KDM2B: variants seen among roughly 807,000 people sequenced by gnomAD.
The protein encoded by KDM2B is lysine demethylase 2B, also known as lysine-specific demethylase 2B.
In KDM2B, 26 loss-of-function variants were observed where a neutral mutation model predicts 150.0. The ratio of observed to expected loss-of-function variants is 0.17; its 90% CI spans 0.13 to 0.24. The LOEUF (loss-of-function observed/expected upper bound fraction) is 0.24. KDM2B is among the 10% of genes least tolerant of loss of function. KDM2B has a pLI of 1.00. For missense variants in KDM2B, 1,265 were observed against 1,816.9 expected, an observed-to-expected ratio of 0.70 and a Z score of 5.52; for synonymous variants, 734 against 729.5, an observed-to-expected ratio of 1.01 and a Z score of -0.10.
intron 12 of KDM2B, among the ~76,000 whole-genome samples, chr12:121,456,407 C>T (rs565352523): frequency 9.2e-5 from 14 of 152,318 alleles, no homozygotes; most frequent in African/African-American, 3.1e-4. Flanking sequence ...CCCCTCCAAA[C>T]GACAGGTGCC....
chr12:121,499,706 G>A (rs1884333146), intron 11 of KDM2B, among the ~76,000 whole-genome samples: 1 of 151,822 alleles, frequency 6.6e-6, no homozygotes, highest in South Asian at 2.1e-4. Context: ...CCAGCACTTT[G>A]AGAGGCCAAG....
the KDM2B span, chr12:121,423,391 G>A: frequency 9.4e-6 from 15 of 1,603,198 alleles, no homozygotes; most frequent in East Asian, 4.5e-5. This position sits in a 1 kb window ranked among gnomAD's most constrained non-coding sequence, Gnocchi z 4.3. Flanking sequence ...TTCAGATGGC[G>A]AGCGGCTGCA....
At chr12:121,579,959 A>AAAAG in intron 1 of KDM2B, 1 of 1,476,684 alleles carries the variant, frequency 6.8e-7, no homozygotes, top group South Asian at 1.3e-5. Flanking sequence ...AAAAAAAAAA[A>AAAAG]AGATCTATCA....
chr12:121,546,147 C>G (rs570575398), intron 6 of KDM2B, among the ~76,000 whole-genome samples: 9 of 152,242 alleles, frequency 5.9e-5, no homozygotes, highest in African/African-American at 2.2e-4. Flanking sequence ...TCCAGGAGAG[C>G]AGGAACCTCT....
rs1888262251 is a variant in KDM2B at position 121,537,783 on chromosome 12, C to G, written c.684-3193G>C. Reference sequence around the variant, plus strand: ...CAAGAGCGCGCCGCACACTCGCACCCGACCCCGGGAGACACAAAGAGCGGC... The same window carrying G: ...CAAGAGCGCGCCGCACACTCGCACCGGACCCCGGGAGACACAAAGAGCGGC... On this transcript the variant is annotated intron_variant, in intron 6 of 22. Transcript: ENST00000377071. The surrounding 1 kb of genome is among the most constrained non-coding windows in gnomAD (Gnocchi z 8.7). Among the ~76,000 whole-genome samples, 1 of 152,000 alleles carries G rather than the reference C, an allele frequency of 6.6e-6. No individual in the cohort carries two copies. The highest frequency in any genetic ancestry group is 1.5e-5 in the Non-Finnish European group (1 of 67,936).
rs1555288018 is a variant in KDM2B at position 121,440,895 on chromosome 12, G to A, written c.3531C>T (p.Thr1177=). The A allele has an allele frequency of 6.2e-7, 1 of 1,614,006 alleles. No homozygotes were observed. The highest frequency in any genetic ancestry group is 1.3e-5 in the African/African-American group (1 of 75,028). The part of the protein sequence containing the change: ...LCSSSCPLLR[T]LDVQWVEGLK... The stretch of plus-strand genomic sequence containing the variant: ...GTCCCTCCACCCACTGGACATCCAG[G>A]GTCCGGAGCAGCGGACAACTGGAGC... The change falls in exon 21 of 23, where the codon ACC becomes ACT. Residue 1177 remains threonine, a synonymous_variant. Transcript: ENST00000377071.
chr12:121,454,532 A>T (rs1413646945), intron 12 of KDM2B, among the ~76,000 whole-genome samples: 2 of 152,138 alleles, frequency 1.3e-5, no homozygotes, highest in African/African-American at 4.8e-5. Flanking sequence ...TGCTGAGGAC[A>T]CTGTCCACAG....
chr12:121,578,142 A>G (rs918432682), intron 2 of KDM2B, among the ~76,000 whole-genome samples: 11 of 152,194 alleles, frequency 7.2e-5, no homozygotes, highest in Non-Finnish European at 1.3e-4. Context: ...CCTGACCCCA[A>G]TTCTTGGCTT....
chr12:121,409,272 A>T, the KDM2B span, among the ~76,000 whole-genome samples: 1 of 152,088 alleles, frequency 6.6e-6, no homozygotes, highest in South Asian at 2.1e-4. Context: ...GGACCACAAC[A>T]CTTGGCCAAA....
Position 121,520,823 on chromosome 12 carries a change from C to A in KDM2B, c.1047+162G>T, listed in dbSNP as rs1555305735. Among the ~76,000 whole-genome samples the A allele has an allele frequency of 6.6e-6, 1 of 151,960 alleles. No homozygotes were observed. The highest frequency in any genetic ancestry group is 2.1e-4 in the South Asian group (1 of 4,826). On this transcript the variant is annotated intron_variant, in intron 9 of 22. Coordinates refer to ENST00000377071, the MANE Select transcript of KDM2B (RefSeq NM_032590.5). This position sits in a 1 kb window ranked among gnomAD's most constrained non-coding sequence, Gnocchi z 4.5. Reference sequence around the variant, plus strand: ...GGCTCCTACAGGCATTCCCCTGCCCCCCCTCCCCCGCCACAGAACCAGGAC... The same window carrying A: ...GGCTCCTACAGGCATTCCCCTGCCCACCCTCCCCCGCCACAGAACCAGGAC...
intron 22 of KDM2B, among the ~76,000 whole-genome samples, chr12:121,436,328 TG>T (rs1323297910): frequency 6.6e-6 from 1 of 152,096 alleles, no homozygotes; most frequent in Non-Finnish European, 1.5e-5. Context: ...GAAACCATCC[TG>T]GCTAACACGG....
intron 22 of KDM2B, among the ~76,000 whole-genome samples, chr12:121,434,149 C>G (rs1308179846): frequency 6.6e-6 from 1 of 151,574 alleles, no homozygotes; most frequent in East Asian, 1.9e-4. Context: ...CACTGCACTC[C>G]AGCCTGGATG....
At chr12:121,579,989 GAAA>G (rs35855511) in intron 1 of KDM2B, 8,685 of 1,186,948 alleles carry the variant, frequency 7.3e-3, no homozygotes, top group South Asian at 0.017. Flanking sequence ...TACAGATTTG[GAAA>G]AAAAAAAAAA....
chr12:121,460,765 TTTTG>T (rs1555293633), intron 12 of KDM2B, among the ~76,000 whole-genome samples: 1 of 152,076 alleles, frequency 6.6e-6, no homozygotes, highest in East Asian at 1.9e-4. Flanking sequence ...CAACAATCTT[TTTTG>T]TTTTTCTGGT....
chr12:121,505,638 T>C (rs1205080205), intron 11 of KDM2B, among the ~76,000 whole-genome samples: 2 of 152,168 alleles, frequency 1.3e-5, no homozygotes, highest in South Asian at 2.1e-4. Context: ...AATTGGGGGC[T>C]GTCTCCAATC....
rs1015269791 is a variant in KDM2B, at chr12:121,429,281, A to C, written c.*1007T>G. 4 of 152,698 alleles carry C rather than the reference A, an allele frequency of 2.6e-5. No individual in the cohort carries two copies. Among genetic ancestry groups the C allele is most frequent in the Non-Finnish European group, 4.4e-5 (3 of 68,050 alleles). The allele number at this position is 152,698 out of a possible 1,614,324, so 9.5% of individuals were successfully genotyped here. A position where few individuals can be genotyped will look rare whatever the true frequency, so the allele number is the denominator to read the frequency against. Reference sequence around the variant, plus strand: ...TTACAACAATGGCACTTATAAATGCAGAACTTTACAACTAGGAAATAGCCA... The same window carrying C: ...TTACAACAATGGCACTTATAAATGCCGAACTTTACAACTAGGAAATAGCCA... On this transcript the variant is annotated 3_prime_UTR_variant, in exon 23 of 23. Coordinates refer to ENST00000377071, the MANE Select transcript of KDM2B (RefSeq NM_032590.5).
intron 6 of KDM2B, among the ~76,000 whole-genome samples, chr12:121,547,363 TAAAG>T (rs1171895075): frequency 6.6e-6 from 1 of 151,858 alleles, no homozygotes; most frequent in Non-Finnish European, 1.5e-5. Flanking sequence ...ACAAAGTAAT[TAAAG>T]AAAGAGAGAG....
chr12:121,458,074 C>T (rs184675733), intron 12 of KDM2B, among the ~76,000 whole-genome samples: 4 of 152,262 alleles, frequency 2.6e-5, no homozygotes, highest in Admixed American at 6.5e-5. Flanking sequence ...ACAGACTCAA[C>T]GCGACCCCAA....
chr12:121,413,433 A>C, the KDM2B span, among the ~76,000 whole-genome samples: 1 of 98,230 alleles, frequency 1.0e-5, no homozygotes, highest in South Asian at 3.8e-4. Flanking sequence ...TTTTTTTGAG[A>C]CGGAGTTTTG....
Sources: gnomAD v4.1 joint callset for allele counts (sites outside exome capture counted in the v4.1 genomes callset) on GRCh38, gnomAD v4.1.1 for gene constraint, Gnocchi (gnomAD v3.1) non-coding constraint, MANE v1.5 for transcripts, NCBI Gene and HGNC (gene_info 2026-07-23, HGNC 2026-07-21) for gene names.